The following CAMK2D variants were observed in gnomAD, a reference collection of about 807,000 sequenced individuals.
CAMK2D encodes calcium/calmodulin-dependent protein kinase type II subunit delta.
A neutral mutation model predicts 84.0 loss-of-function variants in CAMK2D; 37 were observed. The observed-to-expected ratio is 0.44, with a 90% CI of 0.34 to 0.58. The LOEUF (loss-of-function observed/expected upper bound fraction) is 0.58, where lower values mean the gene tolerates loss of function less well. Ranked by LOEUF, CAMK2D falls within the 20% of genes least tolerant of loss-of-function variation. The probability of loss-of-function intolerance (pLI) is 0.02; values close to 1 mark genes in which losing one functional copy is unlikely to be tolerated. For synonymous variants in CAMK2D, 202 were observed against 212.5 expected, an observed-to-expected ratio of 0.95 and a Z score of 0.43; for missense variants, 448 against 652.5, an observed-to-expected ratio of 0.69 and a Z score of 3.41.
intron 3 of CAMK2D, among the ~76,000 whole-genome samples, chr4:113,629,908 T>G (rs770650774): frequency 6.6e-6 from 1 of 151,422 alleles, no homozygotes; most frequent in Non-Finnish European, 1.5e-5. Flanking sequence ...TAATTCACAA[T>G]GTTTAAAAAA....
chr4:113,535,670 C>T (rs2098484861), intron 7 of CAMK2D, among the ~76,000 whole-genome samples: 1 of 152,194 alleles, frequency 6.6e-6, no homozygotes, highest in African/African-American at 2.4e-5. Context: ...TGCCTCTGAG[C>T]CTTTCCATGT....
intron 2 of CAMK2D, among the ~76,000 whole-genome samples, chr4:113,713,493 TATG>T (rs1389359279): frequency 9.5e-5 from 14 of 148,064 alleles, no homozygotes; most frequent in South Asian, 4.2e-4. Flanking sequence ...TTATATATAA[TATG>T]ATAACAATAT....
At chr4:113,596,820 A>ATTT (rs34155395) in intron 4 of CAMK2D, among the ~76,000 whole-genome samples, 3 of 142,158 alleles carry the variant, frequency 2.1e-5, no homozygotes, top group Non-Finnish European at 4.6e-5. Context: ...GGGTCCTAGA[A>ATTT]TTTTTTTTTT....
intron 2 of CAMK2D, among the ~76,000 whole-genome samples, chr4:113,713,637 A>T (rs1367596123): frequency 6.6e-6 from 1 of 150,760 alleles, no homozygotes; most frequent in Non-Finnish European, 1.5e-5. Context: ...ATTTTTTAAC[A>T]TTACTCATAT....
At chr4:113,479,968 A>T (rs1221300195) in intron 16 of CAMK2D, among the ~76,000 whole-genome samples, 5 of 151,936 alleles carry the variant, frequency 3.3e-5, no homozygotes, top group Non-Finnish European at 7.4e-5. Flanking sequence ...TATTATTATT[A>T]TTTTTGTTTT....
intron 6 of CAMK2D, among the ~76,000 whole-genome samples, chr4:113,542,414 A>G (rs1052464273): frequency 3.3e-5 from 5 of 152,076 alleles, no homozygotes; most frequent in African/African-American, 1.2e-4. Flanking sequence ...TCTACTACCC[A>G]TGGTTAACAA....
intron 4 of CAMK2D, among the ~76,000 whole-genome samples, chr4:113,598,472 G>C (rs2154257873): frequency 6.6e-6 from 1 of 152,162 alleles, no homozygotes; most frequent in East Asian, 1.9e-4. Flanking sequence ...GATGATCTTG[G>C]GTATGCTGAT....
chr4:113,642,353 T>C (rs1227336462), intron 3 of CAMK2D, among the ~76,000 whole-genome samples: 1 of 152,354 alleles, frequency 6.6e-6, no homozygotes, highest in South Asian at 2.1e-4. Context: ...CTATAAGTTA[T>C]AATCTTAGTA....
At chr4:113,681,487 A>G (rs2099345794) in intron 2 of CAMK2D, among the ~76,000 whole-genome samples, 1 of 152,172 alleles carries the variant, frequency 6.6e-6, no homozygotes. Flanking sequence ...TGGAACTGTG[A>G]GTCAATTAAA....
chr4:113,549,903 G>A (rs1033608993), intron 5 of CAMK2D, among the ~76,000 whole-genome samples: 2 of 152,068 alleles, frequency 1.3e-5, no homozygotes, highest in African/African-American at 4.8e-5. Context: ...ATTCATTGCT[G>A]TTGACTACAT....
intron 3 of CAMK2D, among the ~76,000 whole-genome samples, chr4:113,610,686 G>A (rs1414033939): frequency 6.6e-6 from 1 of 152,078 alleles, no homozygotes; most frequent in Non-Finnish European, 1.5e-5. Context: ...GACTGGGAAT[G>A]CAGCCAACAG....
chr4:113,452,673 AT>A lies in CAMK2D; in HGVS notation c.*1871del, dbSNP rs146844055. Reference sequence around the variant, plus strand: ...AGTGTAAAAAAAACACTCTACATCTATTTTTTTTTCTTTAAATACATGTATG... The same window carrying A: ...AGTGTAAAAAAAACACTCTACATCTATTTTTTTTCTTTAAATACATGTATG... On this transcript the variant is annotated 3_prime_UTR_variant, in exon 21 of 21. Coordinates refer to ENST00000511664, the MANE Select transcript of CAMK2D (RefSeq NM_001321571.2). The A allele has an allele frequency of 4.7e-3, 714 of 151,612 alleles. 6 individuals are homozygous for A. Among genetic ancestry groups the A allele is most frequent in the African/African-American group, 0.011 (472 of 41,214 alleles). The allele number at this position is 151,612 out of a possible 1,614,324, so 9.4% of individuals were successfully genotyped here.
intron 6 of CAMK2D, among the ~76,000 whole-genome samples, chr4:113,544,660 C>T (rs1425236314): frequency 6.6e-6 from 1 of 152,086 alleles, no homozygotes. Context: ...CATCTTTTAC[C>T]ATTTTGCTTA....
intron 2 of CAMK2D, among the ~76,000 whole-genome samples, chr4:113,708,771 C>G (rs1296996292): frequency 6.6e-6 from 1 of 152,170 alleles, no homozygotes; most frequent in Non-Finnish European, 1.5e-5. Context: ...GTGCCCCAAG[C>G]TGGAGTGCAG....
intron 4 of CAMK2D, among the ~76,000 whole-genome samples, chr4:113,574,900 C>T (rs2098773168): frequency 6.6e-6 from 1 of 152,184 alleles, no homozygotes; most frequent in African/African-American, 2.4e-5. Flanking sequence ...AATTTGAGAA[C>T]TCCAGGAGGT....
chr4:113,476,143 A>G (rs1268950344), intron 16 of CAMK2D, among the ~76,000 whole-genome samples: 1 of 152,182 alleles, frequency 6.6e-6, no homozygotes, highest in East Asian at 1.9e-4. Flanking sequence ...ATGGCATTGT[A>G]GATCCAAAGG....
intron 16 of CAMK2D, among the ~76,000 whole-genome samples, chr4:113,469,564 C>T (rs539162132): frequency 6.6e-6 from 1 of 152,274 alleles, no homozygotes; most frequent in African/African-American, 2.4e-5. Context: ...ATTCCAATGA[C>T]TCCCAAATTG....
Position 113,543,768 on chromosome 4 carries a change from G to GTTTGTTTA in CAMK2D, c.414+3875_414+3876insTAAACAAA, listed in dbSNP as rs779428790. 1.1e-3 allele frequency among the ~76,000 whole-genome samples: 159 copies of GTTTGTTTA among 146,710 alleles called. 1 individual carries two copies. Among genetic ancestry groups the GTTTGTTTA allele is most frequent in the African/African-American group, 3.7e-3 (149 of 40,030 alleles). ...CATAAAGAATCTATCTATCTATCAA[G>GTTTGTTTA]TTTATTTATTTATTTATTTATTTAT... is the stretch of plus-strand genomic sequence containing the variant. On this transcript the variant is annotated intron_variant, in intron 6 of 20. Transcript: ENST00000511664.
At chr4:113,690,370 T>C (rs548890431) in intron 2 of CAMK2D, among the ~76,000 whole-genome samples, 1 of 151,964 alleles carries the variant, frequency 6.6e-6, no homozygotes, top group East Asian at 1.9e-4. Flanking sequence ...AGAAAAAAAA[T>C]CTATGGAAGG....
Sources: allele counts gnomAD v4.1 joint callset (sites outside exome capture counted in the v4.1 genomes callset), GRCh38; gene constraint gnomAD v4.1.1; transcripts MANE v1.5; gene names NCBI Gene and HGNC (gene_info 2026-07-23, HGNC 2026-07-21).